Variants in TRPV3 observed in about 807,000 individuals in gnomAD.
TRPV3 encodes the protein VRL-3.
Under a neutral mutation model 87.1 loss-of-function variants are expected in TRPV3, and 88 were observed. The observed-to-expected ratio is 1.01, with a 90% CI of 0.85 to 1.21. TRPV3 has a LOEUF of 1.21. TRPV3 is among the 50% of genes most tolerant of loss of function. TRPV3 has a pLI of 0.00. For synonymous variants in TRPV3, 438 were observed against 423.3 expected, an observed-to-expected ratio of 1.03 and a Z score of -0.43; for missense variants, 1,054 against 1,030.1, an observed-to-expected ratio of 1.02 and a Z score of -0.32.
rs56919647 is a variant in TRPV3, at chr17:3,524,808, CAAAAA to C, written c.1578-450_1578-446del. 5.9e-3 allele frequency among the ~76,000 whole-genome samples: 485 copies of C among 81,880 alleles called. 4 individuals are homozygous for C. Among genetic ancestry groups the C allele is most frequent in the Middle Eastern group, 0.024 (4 of 164 alleles). The allele number at this position is 81,880 out of a possible 152,430, so 53.7% of individuals were successfully genotyped here. On this transcript the variant is annotated intron_variant, in intron 12 of 17. Transcript: ENST00000576742. ...GTGACATAGTGAGACCTTGTCTCTACAAAAAAAAAAAAAAAAAGAAAAGAAAAATA... is the reference window on the plus strand; with the variant it reads ...GTGACATAGTGAGACCTTGTCTCTACAAAAAAAAAAAAGAAAAGAAAAATA...
At position 3,535,718 on chromosome 17, in the gene TRPV3, G is replaced by T; in HGVS notation, c.644-5C>A. On this transcript the variant is annotated splice_polypyrimidine_tract_variant and splice_region_variant and intron_variant, in intron 6 of 17. Coordinates refer to ENST00000576742, the MANE Select transcript of TRPV3 (RefSeq NM_145068.4). Reference sequence around the variant, plus strand: ...CGATGTTCAGCGCCGTCTGCCCTGCGGAGCGGGCGGGGACGCGCGGGAGCC... The same window carrying T: ...CGATGTTCAGCGCCGTCTGCCCTGCTGAGCGGGCGGGGACGCGCGGGAGCC... 1 of 1,499,816 alleles carries T rather than the reference G, an allele frequency of 6.7e-7. No individual in the cohort carries two copies. The highest frequency in any genetic ancestry group is 2.6e-5 in the East Asian group (1 of 38,334). The allele number at this position is 1,499,816 out of a possible 1,614,324, so 92.9% of individuals were successfully genotyped here. A position where few individuals can be genotyped will look rare whatever the true frequency, so the allele number is the denominator to read the frequency against.
intron 7 of TRPV3, among the ~76,000 whole-genome samples, chr17:3,535,183 C>CCTTCCTCCCTCTCT: frequency 1.5e-5 from 2 of 135,018 alleles, no homozygotes; most frequent in Non-Finnish European, 3.3e-5. Context: ...CTTCCTCCTC[C>CCTTCCTCCCTCTCT]CTTCCTCCCT....
At chr17:3,529,102 C>A in intron 9 of TRPV3, 107 bp from the exon 10 acceptor site, 2 of 1,269,908 alleles carry the variant, frequency 1.6e-6, no homozygotes, top group Non-Finnish European at 2.2e-6. Context: ...AGGGGCCCAT[C>A]ATTATGCCCG....
intron 4 of TRPV3, among the ~76,000 whole-genome samples, chr17:3,544,121 G>A (rs1489075081): frequency 6.6e-6 from 1 of 152,182 alleles, no homozygotes; most frequent in East Asian, 1.9e-4. Context: ...CAATTCTCCT[G>A]CCTCAGCCTC....
At chr17:3,547,286 C>T (rs1328469379) in intron 2 of TRPV3, among the ~76,000 whole-genome samples, 1 of 152,220 alleles carries the variant, frequency 6.6e-6, no homozygotes, top group Non-Finnish European at 1.5e-5. Flanking sequence ...CCCCGCTGAT[C>T]AGCACTTGTG....
In TRPV3 at chr17:3,556,364, G is replaced by C. The variant is rs543597370; in HGVS notation, c.-3+1312C>G. On this transcript the variant is annotated intron_variant, in intron 1 of 17. Coordinates refer to ENST00000576742, the MANE Select transcript of TRPV3 (RefSeq NM_145068.4). The surrounding 1 kb of genome is among the most constrained non-coding windows in gnomAD (Gnocchi z 4.2). ...GAGGAGGCTGCTGCAGGGGCCATAGGGACGGGGAAGGGGGCCAGCTGGCCA... is the reference window on the plus strand; with the variant it reads ...GAGGAGGCTGCTGCAGGGGCCATAGCGACGGGGAAGGGGGCCAGCTGGCCA... 7.8e-4 allele frequency among the ~76,000 whole-genome samples: 119 copies of C among 151,846 alleles called. No individual in the cohort carries two copies. The highest frequency in any genetic ancestry group is 2.9e-3 in the African/African-American group (118 of 41,368).
intron 12 of TRPV3, among the ~76,000 whole-genome samples, chr17:3,524,895 A>C (rs1019191814): frequency 6.6e-6 from 1 of 152,230 alleles, no homozygotes; most frequent in Non-Finnish European, 1.5e-5. Flanking sequence ...CTACTGGAGT[A>C]GACCAAAGAT....
Position 3,526,842 on chromosome 17 carries a change from A to G in TRPV3, c.1577+12T>C. ...CCTGTGAGGCGATAACCAAGGGGCC[A>G]GACCTACTTACAAGACAAAGTGGAA... On this transcript the variant is annotated intron_variant, in intron 12 of 17. Transcript: ENST00000576742. 1 of 1,607,362 alleles carries G rather than the reference A, an allele frequency of 6.2e-7. No homozygotes were observed. The highest frequency in any genetic ancestry group is 8.5e-7 in the Non-Finnish European group (1 of 1,176,796).
chr17:3,546,976 A>AAAAAAAGAAAC (rs2074533022), intron 2 of TRPV3, among the ~76,000 whole-genome samples: 1 of 151,882 alleles, frequency 6.6e-6, no homozygotes, highest in Non-Finnish European at 1.5e-5. Context: ...TCAAAAAAAA[A>AAAAAAAGAAAC]AAACTGGGTC....
intron 9 of TRPV3, 108 bp from the exon 10 acceptor site, chr17:3,529,103 A>G: frequency 3.3e-6 from 4 of 1,224,028 alleles, no homozygotes; most frequent in Non-Finnish European, 3.5e-6. Context: ...GGGGCCCATC[A>G]TTATGCCCGA....
At chr17:3,540,730 G>A (rs2074450968) in intron 6 of TRPV3, among the ~76,000 whole-genome samples, 1 of 152,212 alleles carries the variant, frequency 6.6e-6, no homozygotes, top group African/African-American at 2.4e-5. Context: ...ACTGAAAAGG[G>A]AAAATTAGGA....
intron 6 of TRPV3, among the ~76,000 whole-genome samples, chr17:3,541,990 C>T (rs1230208851): frequency 1.3e-5 from 2 of 152,094 alleles, no homozygotes; most frequent in South Asian, 2.1e-4. Flanking sequence ...GATGGAGTCC[C>T]GCTCTGTCAC....
At chr17:3,545,110 A>T (rs2074511476) in intron 3 of TRPV3, 57 bp downstream of exon 3, 2 of 1,309,398 alleles carry the variant, frequency 1.5e-6, no homozygotes, top group Admixed American at 3.6e-5. Context: ...CACTGGCCAC[A>T]TGCTGGAGCT....
intron 17 of TRPV3, 178 bp downstream of exon 17, chr17:3,514,415 T>A (rs1286658835): frequency 1.7e-6 from 1 of 605,172 alleles, no homozygotes; most frequent in Non-Finnish European, 2.9e-6. Flanking sequence ...GCTACGCCAT[T>A]TTAAAAGTTG....
chr17:3,550,189 G>A (rs1428044722), intron 2 of TRPV3, among the ~76,000 whole-genome samples: 3 of 152,140 alleles, frequency 2.0e-5, no homozygotes, highest in African/African-American at 7.2e-5. Context: ...GACTTCCACT[G>A]TGCTCTCAGG....
In TRPV3 at chr17:3,513,600, G is replaced by A. The variant is rs1217715925; in HGVS notation, c.*317C>T. 3.8e-6 allele frequency: 1 copy of A among 263,176 alleles called. No homozygotes were observed. The highest frequency in any genetic ancestry group is 7.3e-6 in the Non-Finnish European group (1 of 137,368). The allele number at this position is 263,176 out of a possible 1,614,324, so 16.3% of individuals were successfully genotyped here. ...CCTTTCCCGCCATCCATCTCTCCCA[G>A]CCAAGCCGACCTGCAATTGGTAAAA... On this transcript the variant is annotated 3_prime_UTR_variant, in exon 18 of 18. Transcript: ENST00000576742.
intron 14 of TRPV3, among the ~76,000 whole-genome samples, chr17:3,520,609 A>G (rs2074237114): frequency 6.6e-6 from 1 of 152,196 alleles, no homozygotes; most frequent in Non-Finnish European, 1.5e-5. Context: ...TCTAAGCCTC[A>G]GTTACCTTAT....
rs1325609635 is a variant in TRPV3, at chr17:3,542,601, C to T, written c.564G>A (p.Arg188=). The change falls in exon 6 of 18, where the codon CGG becomes CGA. Residue 188 remains arginine, a synonymous_variant. Coordinates refer to ENST00000576742, the MANE Select transcript of TRPV3 (RefSeq NM_145068.4). ...TCTCTTCAGCAAAGGCAAGCAGGAT[C>T]CGCACTATCTCCTTGGTGTTGGGGT... is the stretch of plus-strand genomic sequence containing the variant. ...NINPNTKEIV[R]ILLAFAEEND... The T allele has an allele frequency of 1.2e-6, 2 of 1,614,028 alleles. No individual in the cohort carries two copies. The highest frequency in any genetic ancestry group is 3.3e-4 in the Middle Eastern group (2 of 6,062).
chr17:3,523,353 A>T (rs1360074829), intron 13 of TRPV3, among the ~76,000 whole-genome samples: 1 of 152,186 alleles, frequency 6.6e-6, no homozygotes, highest in Non-Finnish European at 1.5e-5. Flanking sequence ...CTCTCAACCA[A>T]CATTCATGTC....
Sources: gnomAD v4.1 joint callset for allele counts (sites outside exome capture counted in the v4.1 genomes callset) on GRCh38, gnomAD v4.1.1 for gene constraint, Gnocchi (gnomAD v3.1) non-coding constraint, MANE v1.5 for transcripts, NCBI Gene and HGNC (gene_info 2026-07-23, HGNC 2026-07-21) for gene names.